REV3L: variants seen among roughly 807,000 people sequenced by gnomAD.
REV3L encodes DNA polymerase zeta catalytic subunit.
In REV3L, 69 loss-of-function variants were observed where a neutral mutation model predicts 299.4. The ratio of observed to expected loss-of-function variants is 0.23; its 90% CI spans 0.19 to 0.28. REV3L has a LOEUF of 0.28. Ranked by LOEUF, REV3L falls within the 10% of genes least tolerant of loss-of-function variation. The pLI is 1.00. For synonymous variants in REV3L, 1,238 were observed against 1,271.4 expected (o/e 0.97, Z 0.56); for missense variants, 3,128 against 3,693.8 (o/e 0.85, Z 3.97).
At chr6:111,313,698 C>G (rs550617649) in intron 27 of REV3L, among the ~76,000 whole-genome samples, 3 of 152,152 alleles carry the variant, frequency 2.0e-5, no homozygotes, top group African/African-American at 7.2e-5. Context: ...CCTTTTCTTG[C>G]GCTACCAGTT....
chr6:111,383,108 T>C (rs1326113213), intron 9 of REV3L, among the ~76,000 whole-genome samples: 1 of 152,184 alleles, frequency 6.6e-6, no homozygotes, highest in Non-Finnish European at 1.5e-5. Flanking sequence ...CAGGCAGTAC[T>C]TGCTGCAGGC....
chr6:111,373,477 A>T lies in REV3L; in HGVS notation c.4878T>A (p.Asp1626Glu). ...GTGAGTAACAACTTTCAAAGCCTGG[A>T]TCTGAAAAAAAGATGGGACTATCAT... ...VSDDSPIFFS[D>E]PGFESCYSLE... The change falls in exon 13 of 32, where the codon GAT becomes GAA. Residue 1626 changes from aspartate (D) to glutamate (E), a missense_variant. Asp to Glu is a conservative substitution (Grantham distance 45). Around this residue, in one of 9 missense-constraint regions of REV3L, gnomAD observed 2,409 missense variants for 2,611.8 expected, o/e 0.92. Transcript: ENST00000368802. 1 of 1,613,304 alleles carries T rather than the reference A, an allele frequency of 6.2e-7. No individual in the cohort carries two copies. The highest frequency in any genetic ancestry group is 8.5e-7 in the Non-Finnish European group (1 of 1,179,806).
chr6:111,381,736 AAT>A (rs1287202460), intron 9 of REV3L, among the ~76,000 whole-genome samples: 15 of 152,186 alleles, frequency 9.9e-5, no homozygotes, highest in African/African-American at 2.9e-4. Flanking sequence ...TGCATATTCA[AAT>A]ATATAAAGTG....
At chr6:111,476,549 T>C (rs150290983) in intron 1 of REV3L, among the ~76,000 whole-genome samples, 3 of 152,340 alleles carry the variant, frequency 2.0e-5, no homozygotes, top group African/African-American at 7.2e-5. Flanking sequence ...TTTCAGATTT[T>C]GAAGGATTTC....
At chr6:111,412,752 A>G (rs1784375157) in intron 2 of REV3L, among the ~76,000 whole-genome samples, 1 of 138,044 alleles carries the variant, frequency 7.2e-6, no homozygotes, top group South Asian at 2.5e-4. Flanking sequence ...TTATTGTTAT[A>G]AAGTAATTTC....
intron 1 of REV3L, among the ~76,000 whole-genome samples, chr6:111,448,370 G>A (rs113783876): frequency 6.6e-6 from 1 of 151,082 alleles, no homozygotes; most frequent in African/African-American, 2.4e-5. Flanking sequence ...ACAAGGTCTC[G>A]CTCTGTTGCC....
At chr6:111,307,089 T>C (rs1396287395) in intron 31 of REV3L, among the ~76,000 whole-genome samples, 1 of 152,180 alleles carries the variant, frequency 6.6e-6, no homozygotes, top group Non-Finnish European at 1.5e-5. Flanking sequence ...GCTCAACCTG[T>C]ATTATAAAAG....
intron 31 of REV3L, among the ~76,000 whole-genome samples, chr6:111,303,165 CTTTTTT>C (rs1189398273): frequency 1.1e-5 from 1 of 92,342 alleles, no homozygotes; most frequent in Non-Finnish European, 2.1e-5. Context: ...TCTTTTCTTT[CTTTTTT>C]TTTTTTTTTT....
intron 21 of REV3L, among the ~76,000 whole-genome samples, chr6:111,337,028 G>A (rs1004812305): frequency 7.9e-5 from 12 of 151,292 alleles, no homozygotes; most frequent in African/African-American, 2.9e-4. Context: ...AAATCTATGG[G>A]GACAGAAAAT....
chr6:111,371,490 A>C (rs981394108), intron 13 of REV3L, among the ~76,000 whole-genome samples: 5 of 151,978 alleles, frequency 3.3e-5, no homozygotes, highest in Admixed American at 1.3e-4. Flanking sequence ...TCCTGGGCTC[A>C]AGTGATTCTC....
intron 1 of REV3L, among the ~76,000 whole-genome samples, chr6:111,459,902 C>A (rs1221209267): frequency 6.6e-6 from 1 of 152,122 alleles, no homozygotes; most frequent in African/African-American, 2.4e-5. Flanking sequence ...TTTAACCTAG[C>A]AATCCCATTA....
At chr6:111,424,293 G>C (rs1465747230) in intron 1 of REV3L, among the ~76,000 whole-genome samples, 1 of 152,160 alleles carries the variant, frequency 6.6e-6, no homozygotes, top group Admixed American at 6.5e-5. Context: ...CGAGAGGCTG[G>C]ATCAGAGATT....
chr6:111,403,651 A>G (rs1302237114), intron 4 of REV3L, among the ~76,000 whole-genome samples: 4 of 152,150 alleles, frequency 2.6e-5, no homozygotes, highest in African/African-American at 9.7e-5. Flanking sequence ...TTTCTTTCCT[A>G]GCACCTTCCT....
At position 111,374,140 on chromosome 6, in the gene REV3L, A is replaced by C; in HGVS notation, c.4215T>G (p.Asn1405Lys). The C allele has an allele frequency of 1.2e-6, 2 of 1,614,090 alleles. No homozygotes were observed. Among genetic ancestry groups the C allele is most frequent in the Non-Finnish European group, 1.7e-6 (2 of 1,179,964 alleles). Residue 1405 changes from asparagine (N) to lysine (K), a missense_variant, in exon 13 of 32, where the codon AAT becomes AAG. Asn to Lys is a moderately conservative substitution (Grantham distance 94). This residue lies in a region of REV3L where 2,409 missense variants were observed against 2,611.8 expected (regional missense o/e 0.92). Transcript: ENST00000368802. ...SSIGKLSEYR[N>K]SLESKLDQAY... Reference sequence around the variant, plus strand: ...CTTGGTCCAGCTTTGATTCTAGGGAATTGCGATATTCACTTAACTTTCCGA... The same window carrying C: ...CTTGGTCCAGCTTTGATTCTAGGGACTTGCGATATTCACTTAACTTTCCGA...
chr6:111,314,849 CTTTTTTT>C (rs398066168), intron 27 of REV3L, among the ~76,000 whole-genome samples: 1 of 132,602 alleles, frequency 7.5e-6, no homozygotes, highest in Non-Finnish European at 1.6e-5. Flanking sequence ...TATTTAAATA[CTTTTTTT>C]TTTTTTTTTT....
chr6:111,373,273 A>T lies in REV3L; in HGVS notation c.5082T>A (p.Asn1694Lys), dbSNP rs774819171. The T allele has an allele frequency of 2.4e-5, 39 of 1,613,772 alleles. No individual in the cohort carries two copies. In the South Asian group the frequency reaches 2.6e-4, roughly 11 times the overall value. ...DLFPGQAIEK[N>K]EFLSHDNQKC... Reference sequence around the variant, plus strand: ...TCTGGTTGTCATGACTTAAAAACTCATTTTTTTCTATAGCTTGTCCTGGAA... The same window carrying T: ...TCTGGTTGTCATGACTTAAAAACTCTTTTTTTTCTATAGCTTGTCCTGGAA... The change falls in exon 13 of 32, where the codon AAT (asparagine) becomes AAA (lysine). Residue 1694 changes from asparagine (N) to lysine (K), a missense_variant. Physicochemically the swap from Asn to Lys is moderately conservative, Grantham distance 94 (BLOSUM62 0). Around this residue, in one of 9 missense-constraint regions of REV3L, gnomAD observed 2,409 missense variants for 2,611.8 expected, o/e 0.92. Coordinates refer to ENST00000368802, the MANE Select transcript of REV3L (RefSeq NM_001372078.1).
At chr6:111,463,369 TAA>T in intron 1 of REV3L, among the ~76,000 whole-genome samples, 1 of 152,276 alleles carries the variant, frequency 6.6e-6, no homozygotes, top group East Asian at 1.9e-4. Flanking sequence ...TTACAACAAA[TAA>T]AGAGATTCAA....
At chr6:111,411,143 C>T (rs534256439) in intron 3 of REV3L, among the ~76,000 whole-genome samples, 73 of 152,298 alleles carry the variant, frequency 4.8e-4, no homozygotes, top group Admixed American at 1.3e-3. Flanking sequence ...ACATATTTCC[C>T]CTTGCTTTGA....
At chr6:111,326,094 G>A (rs544500738) in intron 25 of REV3L, among the ~76,000 whole-genome samples, 25 of 152,066 alleles carry the variant, frequency 1.6e-4, no homozygotes, top group African/African-American at 5.1e-4. Context: ...TGCAAATGAC[G>A]GGATTTTATT....
Sources: gnomAD v4.1 joint callset for allele counts (sites outside exome capture counted in the v4.1 genomes callset) on GRCh38, gnomAD v4.1.1 for gene constraint, gnomAD v4.1.1 regional missense constraint, MANE v1.5 for transcripts, NCBI Gene and HGNC (gene_info 2026-07-23, HGNC 2026-07-21) for gene names.